The following NFIB variants were observed in gnomAD, a reference collection of about 807,000 sequenced individuals.
NFIB encodes nuclear factor 1 B-type.
Under a neutral mutation model 61.5 loss-of-function variants are expected in NFIB, and 11 were observed. That is an observed-to-expected ratio of 0.18 (90% CI 0.11 to 0.30). NFIB has a LOEUF of 0.30. Among genes scored for constraint, NFIB ranks in the 10% least tolerant of loss-of-function variants. The pLI is 1.00. For missense variants in NFIB, 471 were observed against 608.9 expected (o/e 0.77, Z 2.38); for synonymous variants, 260 against 216.5 (o/e 1.20, Z -1.76).
intron 2 of NFIB, among the ~76,000 whole-genome samples, chr9:14,300,731 G>C (rs2059705016): frequency 6.6e-6 from 1 of 152,180 alleles, no homozygotes; most frequent in Non-Finnish European, 1.5e-5. Context: ...TGTGAATTCT[G>C]ACATAACCTT....
At chr9:14,222,667 C>T (rs1287117011) in intron 2 of NFIB, among the ~76,000 whole-genome samples, 6 of 151,656 alleles carry the variant, frequency 4.0e-5, no homozygotes, top group Admixed American at 1.3e-4. Context: ...TGGTGGCACA[C>T]ACCTATGGTC....
the NFIB span, among the ~76,000 whole-genome samples, chr9:14,463,704 A>G: frequency 3.4e-5 from 4 of 118,486 alleles, no homozygotes; most frequent in South Asian, 2.7e-4. Context: ...TCTGTCACCC[A>G]GGCTGGAGTG....
At chr9:14,301,486 T>C (rs1231374586) in intron 2 of NFIB, among the ~76,000 whole-genome samples, 1 of 152,152 alleles carries the variant, frequency 6.6e-6, no homozygotes, top group South Asian at 2.1e-4. Context: ...TTACCAACCT[T>C]TGCTGCCTCC....
chr9:14,474,348 G>A, the NFIB span, among the ~76,000 whole-genome samples: 1 of 151,976 alleles, frequency 6.6e-6, no homozygotes, highest in East Asian at 1.9e-4. Flanking sequence ...CTTTTATAAG[G>A]GCATGAATTC....
At position 14,285,950 on chromosome 9, in the gene NFIB, T is replaced by C. The variant is rs1174910138; in HGVS notation, c.562+21039A>G. ...TGCTGAAAGTTATACAGTTAAAAAA[T>C]GGCAAAAACAAGATTTTAGATAGTA... is the stretch of plus-strand genomic sequence containing the variant. On this transcript the variant is annotated intron_variant, in intron 2 of 10. Transcript: ENST00000380953. 1.3e-5 allele frequency among the ~76,000 whole-genome samples: 2 copies of C among 150,984 alleles called. 1 individual carries two copies. The highest frequency in any genetic ancestry group is 2.9e-5 in the Non-Finnish European group (2 of 68,016).
chr9:14,199,323 G>C (rs1031807972), intron 2 of NFIB, among the ~76,000 whole-genome samples: 6 of 152,170 alleles, frequency 3.9e-5, no homozygotes, highest in African/African-American at 1.4e-4. Flanking sequence ...GCAGTAGTGC[G>C]GCAGGGTGAA....
intron 10 of NFIB, among the ~76,000 whole-genome samples, chr9:14,103,812 C>G (rs2036124208): frequency 6.6e-6 from 1 of 152,092 alleles, no homozygotes; most frequent in Admixed American, 6.6e-5. Context: ...AAAAAATTCC[C>G]TGCATATACA....
At position 14,322,114 on chromosome 9, in the gene NFIB, G is replaced by A; in HGVS notation, c.109-14594C>T. ...AAAAAAAAAAAAAAGCAATCCGGGA[G>A]TAGTCTTATGTATTTTTTAATTGTA... On this transcript the variant is annotated intron_variant, in intron 1 of 8. Coordinates refer to the NFIB transcript ENST00000380934. 4 of 1,188,474 alleles carry A rather than the reference G, an allele frequency of 3.4e-6. No homozygotes were observed. The East Asian group carries it at 1.4e-4, about 42-fold the overall frequency. The allele number at this position is 1,188,474 out of a possible 1,614,324, so 73.6% of individuals were successfully genotyped here. A position where few individuals can be genotyped will look rare whatever the true frequency, so the allele number is the denominator to read the frequency against.
chr9:14,407,576 C>T, the NFIB span, among the ~76,000 whole-genome samples: 1 of 152,004 alleles, frequency 6.6e-6, no homozygotes, highest in Non-Finnish European at 1.5e-5. Flanking sequence ...CAATTTTCCC[C>T]AAGGAAAACA....
chr9:14,447,579 C>T, the NFIB span, among the ~76,000 whole-genome samples: 495 of 152,264 alleles, frequency 3.3e-3, 4 homozygotes, highest in Middle Eastern at 0.01. Flanking sequence ...TTTCTATTCT[C>T]ACCTTAACTC....
In NFIB at chr9:14,216,538, CTCTCCCTCTGTGTGTG is replaced by C. The variant is rs1345328021; in HGVS notation, c.563-36774_563-36759del. Among the ~76,000 whole-genome samples the C allele has an allele frequency of 2.7e-3, 84 of 30,604 alleles. 1 individual carries two copies. Among genetic ancestry groups the C allele is most frequent in the African/African-American group, 0.013 (81 of 6,288 alleles). The allele number at this position is 30,604 out of a possible 152,430, so 20.1% of individuals were successfully genotyped here. A position where few individuals can be genotyped will look rare whatever the true frequency, so the allele number is the denominator to read the frequency against. ...TCTCTCTCTCTCTCTCTCTCTCTCT[CTCTCCCTCTGTGTGTG>C]TGTGTGTGTGTGTGTGTGTGTGTGT... On this transcript the variant is annotated intron_variant, in intron 2 of 10. Transcript: ENST00000380953.
At chr9:14,503,062 T>C in the NFIB span, among the ~76,000 whole-genome samples, 3 of 151,922 alleles carry the variant, frequency 2.0e-5, no homozygotes, top group Non-Finnish European at 4.4e-5. Flanking sequence ...TATTTATTCC[T>C]TTTTATGGCT....
chr9:14,185,566 C>A (rs906142893), intron 2 of NFIB, among the ~76,000 whole-genome samples: 1 of 152,068 alleles, frequency 6.6e-6, no homozygotes, highest in Non-Finnish European at 1.5e-5. Flanking sequence ...CAATATGACA[C>A]GAAGTCTATT....
the NFIB span, among the ~76,000 whole-genome samples, chr9:14,530,263 C>T: frequency 6.6e-6 from 1 of 152,168 alleles, no homozygotes; most frequent in African/African-American, 2.4e-5. Flanking sequence ...TTTCCCCAAG[C>T]ATCTGCCAGT....
chr9:14,347,747 G>C (rs191194528), intron 1 of NFIB, among the ~76,000 whole-genome samples: 3 of 152,268 alleles, frequency 2.0e-5, no homozygotes, highest in Non-Finnish European at 2.9e-5. Flanking sequence ...GGCAGGGCCA[G>C]GAGTTCCGCG....
chr9:14,373,488 GA>G (rs1193000885), intron 1 of NFIB, among the ~76,000 whole-genome samples: 2 of 151,952 alleles, frequency 1.3e-5, no homozygotes, highest in Non-Finnish European at 2.9e-5. Context: ...AAATCTTTTT[GA>G]ATTATTGTTT....
chr9:14,155,485 G>T (rs1364630428), intron 4 of NFIB, among the ~76,000 whole-genome samples: 1 of 152,068 alleles, frequency 6.6e-6, no homozygotes, highest in Non-Finnish European at 1.5e-5. Context: ...AACTTATGTG[G>T]GTTATCATAA....
At chr9:14,428,254 T>C in the NFIB span, among the ~76,000 whole-genome samples, 1 of 152,248 alleles carries the variant, frequency 6.6e-6, no homozygotes, top group African/African-American at 2.4e-5. Context: ...CCTAGCTTTT[T>C]CTTTAAGGAA....
At chr9:14,278,206 G>C (rs1377607079) in intron 2 of NFIB, among the ~76,000 whole-genome samples, 1 of 152,182 alleles carries the variant, frequency 6.6e-6, no homozygotes, top group African/African-American at 2.4e-5. Flanking sequence ...AACACCATGG[G>C]AAGTGCAGTT....
Sources: gnomAD v4.1 joint callset for allele counts (sites outside exome capture counted in the v4.1 genomes callset) on GRCh38, gnomAD v4.1.1 for gene constraint, MANE v1.5 for transcripts, NCBI Gene and HGNC (gene_info 2026-07-23, HGNC 2026-07-21) for gene names.